The following GRID2 variants were observed in gnomAD, a reference collection of about 807,000 sequenced individuals.
GRID2 encodes the protein glutamate receptor ionotropic, delta-2.
Under a neutral mutation model 114.8 loss-of-function variants are expected in GRID2, and 33 were observed. The observed-to-expected ratio is 0.29, with a 90% CI of 0.22 to 0.38. GRID2 has a LOEUF of 0.38. Among genes scored for constraint, GRID2 ranks in the 10% least tolerant of loss-of-function variants. The pLI is 1.00. For synonymous variants in GRID2, 505 were observed against 449.9 expected (o/e 1.12, Z -1.55); for missense variants, 1,184 against 1,257.7 (o/e 0.94, Z 0.89).
intron 8 of GRID2, among the ~76,000 whole-genome samples, chr4:93,325,603 A>G (rs1757742808): frequency 6.6e-6 from 1 of 152,038 alleles, no homozygotes; most frequent in Non-Finnish European, 1.5e-5. Flanking sequence ...TTCTAATTAT[A>G]ACATTTTTCA....
intron 1 of GRID2, among the ~76,000 whole-genome samples, chr4:92,557,221 T>G (rs1726894160): frequency 6.6e-6 from 1 of 152,014 alleles, no homozygotes; most frequent in Admixed American, 6.6e-5. Context: ...CAAAAATTCA[T>G]TTGTTTCCTA....
chr4:93,083,615 G>A (rs1449539146), intron 2 of GRID2, among the ~76,000 whole-genome samples: 2 of 144,860 alleles, frequency 1.4e-5, no homozygotes, highest in Admixed American at 7.3e-5. Context: ...AGAATCACTT[G>A]AACCCAGGAT....
At chr4:93,396,646 A>G (rs1765360651) in intron 9 of GRID2, among the ~76,000 whole-genome samples, 1 of 152,060 alleles carries the variant, frequency 6.6e-6, no homozygotes, top group Non-Finnish European at 1.5e-5. Context: ...ATGGATAAGA[A>G]GAGTCTACTG....
chr4:92,835,162 TAAA>T (rs1435129512), intron 2 of GRID2, among the ~76,000 whole-genome samples: 15 of 138,824 alleles, frequency 1.1e-4, no homozygotes, highest in African/African-American at 3.8e-4. Flanking sequence ...TTGAGAATAA[TAAA>T]AAATACAACA....
At chr4:93,771,367 C>T (rs1734092866) in intron 15 of GRID2, among the ~76,000 whole-genome samples, 1 of 152,180 alleles carries the variant, frequency 6.6e-6, no homozygotes, top group South Asian at 2.1e-4. Context: ...TAGCATAAAG[C>T]TGGCCCTAAA....
chr4:92,354,275 T>C lies in GRID2; in HGVS notation c.88+49531T>C, dbSNP rs542865897. Among the ~76,000 whole-genome samples the C allele has an allele frequency of 7.9e-5, 12 of 152,112 alleles. No individual in the cohort carries two copies. The South Asian group carries it at 2.1e-3, about 26-fold the overall frequency. Reference sequence around the variant, plus strand: ...CTGTTTTTAAGTTGACTTTTTCTGGTTTCAGCATTTACTTGGTTGCTGTGA... The same window carrying C: ...CTGTTTTTAAGTTGACTTTTTCTGGCTTCAGCATTTACTTGGTTGCTGTGA... On this transcript the variant is annotated intron_variant, in intron 1 of 15. Coordinates refer to ENST00000282020, the MANE Select transcript of GRID2 (RefSeq NM_001510.4).
intron 2 of GRID2, among the ~76,000 whole-genome samples, chr4:92,993,189 C>CAAT (rs1247654256): frequency 1.4e-5 from 2 of 146,462 alleles, no homozygotes; most frequent in African/African-American, 5.0e-5. Context: ...TTTGCATTTA[C>CAAT]AATAATAATA....
At chr4:92,948,632 C>T (rs961873865) in intron 2 of GRID2, among the ~76,000 whole-genome samples, 5 of 151,844 alleles carry the variant, frequency 3.3e-5, no homozygotes, top group African/African-American at 9.7e-5. Flanking sequence ...ATCCAAAATG[C>T]AATATATGAA....
chr4:93,723,828 C>T (rs1407898642), intron 14 of GRID2, among the ~76,000 whole-genome samples: 1 of 152,156 alleles, frequency 6.6e-6, no homozygotes, highest in East Asian at 1.9e-4. Flanking sequence ...TCATATATTA[C>T]AGAATCTTCT....
intron 8 of GRID2, among the ~76,000 whole-genome samples, chr4:93,303,152 T>A (rs1046023836): frequency 3.3e-5 from 5 of 152,114 alleles, no homozygotes. Flanking sequence ...ACTCACCCAC[T>A]ATCATGAGAA....
chr4:93,767,110 G>T (rs994355471), intron 14 of GRID2, among the ~76,000 whole-genome samples: 1 of 152,122 alleles, frequency 6.6e-6, no homozygotes, highest in African/African-American at 2.4e-5. Flanking sequence ...TCTTAAACCT[G>T]TTACTTGGAA....
At chr4:92,879,208 A>G (rs1169500168) in intron 2 of GRID2, among the ~76,000 whole-genome samples, 1 of 152,166 alleles carries the variant, frequency 6.6e-6, no homozygotes, top group Non-Finnish European at 1.5e-5. Flanking sequence ...AAGTATATAT[A>G]TTTTTAAAAG....
At chr4:93,483,335 G>C (rs1292111769) in intron 11 of GRID2, among the ~76,000 whole-genome samples, 1 of 151,758 alleles carries the variant, frequency 6.6e-6, no homozygotes, top group African/African-American at 2.4e-5. Context: ...TCCAACTCTT[G>C]AAAAAGGAAT....
At chr4:92,815,582 T>C (rs947802170) in intron 2 of GRID2, among the ~76,000 whole-genome samples, 1 of 151,866 alleles carries the variant, frequency 6.6e-6, no homozygotes, top group Non-Finnish European at 1.5e-5. Context: ...CTAACACATG[T>C]TGATTTCTGA....
chr4:92,959,111 T>A (rs535761776), intron 2 of GRID2, among the ~76,000 whole-genome samples: 330 of 135,226 alleles, frequency 2.4e-3, no homozygotes, highest in Non-Finnish European at 3.4e-3. Flanking sequence ...ATTTTATTGA[T>A]TTTTTTTTTT....
chr4:93,616,625 TAA>T (rs35162120), intron 13 of GRID2, among the ~76,000 whole-genome samples: 5 of 145,136 alleles, frequency 3.4e-5, no homozygotes, highest in African/African-American at 1.0e-4. Context: ...AAAATAAATA[TAA>T]AAAAAAGTTT....
intron 4 of GRID2, among the ~76,000 whole-genome samples, chr4:93,199,184 G>A (rs770774796): frequency 1.1e-4 from 16 of 152,036 alleles, no homozygotes; most frequent in African/African-American, 2.4e-4. Context: ...CACAGCAAAC[G>A]CCCAGGAAAA....
chr4:93,209,211 T>C (rs967323346), intron 5 of GRID2, among the ~76,000 whole-genome samples: 3 of 151,976 alleles, frequency 2.0e-5, no homozygotes, highest in African/African-American at 7.2e-5. Context: ...TTAAGCCTAG[T>C]GCTCATTAGT....
In GRID2 at chr4:93,774,229, A is replaced by G. The variant is rs1302514661; in HGVS notation, c.*1731A>G. ...GTGTAAGGCAGAAAAATTTCTTATC[A>G]TGCAAAAACCATTTTGTTTCCAGGG... On this transcript the variant is annotated 3_prime_UTR_variant, in exon 16 of 16. Coordinates refer to ENST00000282020, the MANE Select transcript of GRID2 (RefSeq NM_001510.4). 2 of 152,106 alleles carry G rather than the reference A, an allele frequency of 1.3e-5. No homozygotes were observed. Among genetic ancestry groups the G allele is most frequent in the African/African-American group, 2.4e-5 (1 of 41,456 alleles). The allele number at this position is 152,106 out of a possible 1,614,324, so 9.4% of individuals were successfully genotyped here.
Sources: gnomAD v4.1 joint callset for allele counts (sites outside exome capture counted in the v4.1 genomes callset) on GRCh38, gnomAD v4.1.1 for gene constraint, MANE v1.5 for transcripts, NCBI Gene and HGNC (gene_info 2026-07-23, HGNC 2026-07-21) for gene names.